The following DHRSX variants were observed in gnomAD, a reference collection of about 807,000 sequenced individuals.
DHRSX encodes dehydrogenase/reductase X-linked, also known as polyprenol dehydrogenase.
Under a neutral mutation model 34.0 loss-of-function variants are expected in DHRSX, and 31 were observed. That is an observed-to-expected ratio of 0.91 (90% CI 0.69 to 1.23). The LOEUF (loss-of-function observed/expected upper bound fraction) is 1.23. Among genes scored for constraint, DHRSX ranks in the 50% most tolerant of loss-of-function variants. DHRSX has a pLI of 0.00. For missense variants in DHRSX, 414 were observed against 428.1 expected (o/e 0.97, Z 0.29); for synonymous variants, 201 against 183.8 (o/e 1.09, Z -0.76).
intron 3 of DHRSX, among the ~76,000 whole-genome samples, chrX:2,294,245 A>C (rs1196612257): frequency 6.6e-6 from 1 of 152,078 alleles, no homozygotes; most frequent in Non-Finnish European, 1.5e-5. Context: ...AGGCAGACAG[A>C]GAGATACAAA....
At chrX:2,407,821 G>A (rs143887158) in intron 3 of DHRSX, among the ~76,000 whole-genome samples, 499 of 152,216 alleles carry the variant, frequency 3.3e-3, no homozygotes, top group African/African-American at 0.011. Context: ...ATTACCTCTC[G>A]GGTACAATGT....
intron 5 of DHRSX, among the ~76,000 whole-genome samples, chrX:2,265,937 C>T (rs1468860583): frequency 4.2e-5 from 6 of 141,926 alleles, no homozygotes; most frequent in Non-Finnish European, 9.2e-5. Flanking sequence ...ATGCAGGGAG[C>T]ACTGTCCCCA....
At chrX:2,321,770 G>A (rs563957025) in intron 3 of DHRSX, among the ~76,000 whole-genome samples, 7 of 151,956 alleles carry the variant, frequency 4.6e-5, no homozygotes, top group Non-Finnish European at 8.8e-5. Context: ...AATTGCACGG[G>A]TCCACTTCTA....
chrX:2,387,904 CAAAAAAAA>C (rs557047764), intron 3 of DHRSX, among the ~76,000 whole-genome samples: 1 of 73,934 alleles, frequency 1.4e-5, no homozygotes, highest in African/African-American at 5.7e-5. Context: ...CCCTCCCCTG[CAAAAAAAA>C]AAAAAAAAAA....
At chrX:2,368,374 C>T (rs1052313458) in intron 3 of DHRSX, among the ~76,000 whole-genome samples, 9 of 151,682 alleles carry the variant, frequency 5.9e-5, no homozygotes, top group East Asian at 1.9e-4. Context: ...CAAAACATTA[C>T]GATTTGATAC....
At chrX:2,385,811 G>A (rs1172766110) in intron 3 of DHRSX, among the ~76,000 whole-genome samples, 2 of 152,078 alleles carry the variant, frequency 1.3e-5, no homozygotes, top group Admixed American at 1.3e-4. Flanking sequence ...AGCCGATGAT[G>A]CTTCTTTGAA....
chrX:2,242,761 T>C (rs970077971), intron 6 of DHRSX, among the ~76,000 whole-genome samples: 114 of 151,570 alleles, frequency 7.5e-4, no homozygotes, highest in Non-Finnish European at 1.3e-3. Context: ...GCATGAATAA[T>C]CCCCCCCTCG....
chrX:2,284,076 G>C (rs186394047), intron 4 of DHRSX, among the ~76,000 whole-genome samples: 1 of 151,060 alleles, frequency 6.6e-6, no homozygotes, highest in African/African-American at 2.4e-5. Context: ...TCATTCATTT[G>C]AATTCATTCC....
chrX:2,419,744 C>A (rs1033737047), intron 2 of DHRSX, among the ~76,000 whole-genome samples: 20 of 144,616 alleles, frequency 1.4e-4, no homozygotes, highest in Non-Finnish European at 2.1e-4. Context: ...CGCATGTTCT[C>A]ACTCATAGGT....
chrX:2,485,180 G>T (rs775141957), intron 1 of DHRSX, among the ~76,000 whole-genome samples: 14 of 152,252 alleles, frequency 9.2e-5, no homozygotes, highest in African/African-American at 3.4e-4. Context: ...GATGAGAACC[G>T]TCGGGGTTAG....
chrX:2,452,032 T>G (rs1310664434), intron 1 of DHRSX, among the ~76,000 whole-genome samples: 1 of 150,332 alleles, frequency 6.7e-6, no homozygotes. Context: ...GTTAAGGGAC[T>G]GCCGCCATAT....
At chrX:2,469,642 A>C (rs1168537230) in intron 1 of DHRSX, among the ~76,000 whole-genome samples, 1 of 152,048 alleles carries the variant, frequency 6.6e-6, no homozygotes, top group African/African-American at 2.4e-5. Context: ...GGATGCAGCC[A>C]AGGGACTGCC....
intron 4 of DHRSX, among the ~76,000 whole-genome samples, 178 bp from the exon 5 acceptor site, chrX:2,267,125 TAGA>T (rs1252252742): frequency 6.6e-6 from 1 of 152,218 alleles, no homozygotes; most frequent in Admixed American, 6.5e-5. Context: ...GAGAAGATTC[TAGA>T]AGATCACTGA....
At chrX:2,256,571 GA>G (rs1313281400) in intron 5 of DHRSX, among the ~76,000 whole-genome samples, 2 of 152,080 alleles carry the variant, frequency 1.3e-5, no homozygotes, top group Non-Finnish European at 2.9e-5. Flanking sequence ...GCTTTCTATT[GA>G]AATTTATTTC....
At chrX:2,438,692 GTT>G (rs1441360831) in intron 1 of DHRSX, among the ~76,000 whole-genome samples, 1 of 146,658 alleles carries the variant, frequency 6.8e-6, no homozygotes, top group East Asian at 2.1e-4. Context: ...AAAAATGGTC[GTT>G]CATTTCAGGA....
intron 6 of DHRSX, among the ~76,000 whole-genome samples, chrX:2,237,167 CAG>C (rs990239277): frequency 2.8e-4 from 42 of 152,178 alleles, no homozygotes; most frequent in African/African-American, 8.9e-4. Context: ...GCCTGGGCAA[CAG>C]AGAGAGGTTC....
rs868425345 is a variant in DHRSX at position 2,393,747 on chromosome X, A to C, written c.286+14998T>G. Among the ~76,000 whole-genome samples, 272 of 75,520 alleles carry C rather than the reference A, an allele frequency of 3.6e-3. 28 individuals carry two copies. Among genetic ancestry groups the C allele is most frequent in the East Asian group, 0.012 (33 of 2,694 alleles). The allele number at this position is 75,520 out of a possible 152,430, so 49.5% of individuals were successfully genotyped here. On this transcript the variant is annotated intron_variant, in intron 3 of 6. Transcript: ENST00000334651. ...TCCCCGTCTCCTGCACACACGACAC[A>C]CAGGGACCTCCCCATCTCCTGGGCA...
intron 3 of DHRSX, among the ~76,000 whole-genome samples, chrX:2,342,808 T>C (rs1418230172): frequency 4.6e-5 from 7 of 152,296 alleles, no homozygotes; most frequent in Non-Finnish European, 8.8e-5. Context: ...CAATGGATTG[T>C]TTTTTTCAAC....
intron 5 of DHRSX, among the ~76,000 whole-genome samples, chrX:2,248,875 G>T (rs1474501765): frequency 6.6e-6 from 1 of 152,100 alleles, no homozygotes; most frequent in Non-Finnish European, 1.5e-5. Flanking sequence ...TTCAGACGTC[G>T]TTGAACCTAA....
Sources: allele counts gnomAD v4.1 joint callset (sites outside exome capture counted in the v4.1 genomes callset), GRCh38; gene constraint gnomAD v4.1.1; transcripts MANE v1.5; gene names NCBI Gene and HGNC (gene_info 2026-07-23, HGNC 2026-07-21).